PIN1: variants seen among roughly 807,000 people sequenced by gnomAD.
The protein encoded by PIN1 is peptidyl-prolyl cis-trans isomerase NIMA-interacting 1.
PIN1 carries 8 observed loss-of-function variants against 19.9 expected under a neutral mutation model. The observed-to-expected ratio is 0.40, with a 90% CI of 0.24 to 0.72. PIN1 has a LOEUF of 0.72. PIN1 is among the 30% of genes least tolerant of loss of function. The probability of loss-of-function intolerance (pLI) is 0.37; values close to 1 mark genes in which losing one functional copy is unlikely to be tolerated. For synonymous variants in PIN1, 86 were observed against 90.8 expected, an observed-to-expected ratio of 0.95 and a Z score of 0.30; for missense variants, 185 against 226.5, an observed-to-expected ratio of 0.82 and a Z score of 1.18.
rs1264999747 is a variant in PIN1, at chr19:9,846,462, G to A, written c.272-1568G>A. 3.9e-5 allele frequency among the ~76,000 whole-genome samples: 6 copies of A among 152,210 alleles called. No homozygotes were observed. Among genetic ancestry groups the A allele is most frequent in the Admixed American group, 1.3e-4 (2 of 15,288 alleles). ...GGCGGAGGGGCACAGGGATGTCAGG[G>A]CAGCAGGTCGTGGTGACATCCAGCT... On this transcript the variant is annotated intron_variant, in intron 2 of 3. Coordinates refer to ENST00000247970, the MANE Select transcript of PIN1 (RefSeq NM_006221.4). This position sits in a 1 kb window ranked among gnomAD's most constrained non-coding sequence, Gnocchi z 5.9.
intron 2 of PIN1, among the ~76,000 whole-genome samples, chr19:9,843,777 G>A (rs1215979905): frequency 6.6e-6 from 1 of 152,220 alleles, no homozygotes; most frequent in Non-Finnish European, 1.5e-5. Context: ...GCCAGGCGCA[G>A]TGGCTCATGC....
intron 3 of PIN1, chr19:9,848,426 G>A: frequency 2.2e-6 from 1 of 448,786 alleles, no homozygotes; most frequent in Non-Finnish European, 4.1e-6. Flanking sequence ...GCCCACCAAG[G>A]TGGGTACATC....
chr19:9,836,090 C>G (rs1189431954), intron 1 of PIN1: 3 of 152,220 alleles, frequency 2.0e-5, no homozygotes, highest in Admixed American at 2.0e-4. Flanking sequence ...TCATTCATTT[C>G]AGGGGCCGGG....
chr19:9,837,001 A>G (rs1156524082), intron 1 of PIN1: 1 of 490,908 alleles, frequency 2.0e-6, no homozygotes, highest in East Asian at 7.0e-5. Context: ...TCTTATTATT[A>G]TTTTTGGAGA....
intron 2 of PIN1, among the ~76,000 whole-genome samples, chr19:9,843,413 G>C (rs113633180): frequency 6.6e-6 from 1 of 152,280 alleles, no homozygotes; most frequent in African/African-American, 2.4e-5. Flanking sequence ...TGGAAGCAGC[G>C]TAATGATCTG....
Position 9,846,893 on chromosome 19 carries a change from T to C in PIN1, c.272-1137T>C, listed in dbSNP as rs2046225158. Among the ~76,000 whole-genome samples, 1 of 152,110 alleles carries C rather than the reference T, an allele frequency of 6.6e-6. No individual in the cohort carries two copies. Among genetic ancestry groups the C allele is most frequent in the South Asian group, 2.1e-4 (1 of 4,830 alleles). On this transcript the variant is annotated intron_variant, in intron 2 of 3. Coordinates refer to ENST00000247970, the MANE Select transcript of PIN1 (RefSeq NM_006221.4). This position sits in a 1 kb window ranked among gnomAD's most constrained non-coding sequence, Gnocchi z 5.9. ...CGTTGGAGAGAAGAACTGGTGTCCCTGGAGAGTGGCTGCCAGGCCTTAGGG... is the reference window on the plus strand; with the variant it reads ...CGTTGGAGAGAAGAACTGGTGTCCCCGGAGAGTGGCTGCCAGGCCTTAGGG...
At chr19:9,848,489 C>T in intron 3 of PIN1, 2 of 308,850 alleles carry the variant, frequency 6.5e-6, no homozygotes, top group Non-Finnish European at 1.3e-5. Context: ...CCTGAGAGTC[C>T]CAGGGCCTGT....
chr19:9,840,037 A>G (rs1168295393), intron 2 of PIN1, among the ~76,000 whole-genome samples: 2 of 152,100 alleles, frequency 1.3e-5, no homozygotes, highest in African/African-American at 2.4e-5. Flanking sequence ...TGGTTTCTCA[A>G]TTGCACTGGT....
chr19:9,838,459 A>G lies in PIN1; in HGVS notation c.82A>G (p.Ile28Val). 3.1e-6 allele frequency: 5 copies of G among 1,607,558 alleles called. No individual in the cohort carries two copies. The highest frequency in any genetic ancestry group is 4.2e-6 in the Non-Finnish European group (5 of 1,178,232). ...AGGCCGAGTGTACTACTTCAACCAC[A>G]TCACTAACGCCAGCCAGTGGGAGCG... ...SSGRVYYFNH[I>V]TNASQWERPS... The change falls in exon 2 of 4, where the codon ATC becomes GTC. Residue 28 changes from isoleucine to valine, a missense_variant. Coordinates refer to ENST00000247970, the MANE Select transcript of PIN1 (RefSeq NM_006221.4). This position sits in a 1 kb window ranked among gnomAD's most constrained non-coding sequence, Gnocchi z 5.8.
chr19:9,840,628 T>G (rs2046156690), intron 2 of PIN1, among the ~76,000 whole-genome samples: 1 of 152,086 alleles, frequency 6.6e-6, no homozygotes, highest in Non-Finnish European at 1.5e-5. Context: ...TGAGACAGGG[T>G]CTTGCTCTGT....
chr19:9,838,944 C>T lies in PIN1; in HGVS notation c.271+296C>T, dbSNP rs1484037981. Among the ~76,000 whole-genome samples, 3 of 152,062 alleles carry T rather than the reference C, an allele frequency of 2.0e-5. No homozygotes were observed. Among genetic ancestry groups the T allele is most frequent in the Non-Finnish European group, 4.4e-5 (3 of 68,014 alleles). On this transcript the variant is annotated intron_variant, in intron 2 of 3. Coordinates refer to ENST00000247970, the MANE Select transcript of PIN1 (RefSeq NM_006221.4). The surrounding 1 kb of genome is among the most constrained non-coding windows in gnomAD (Gnocchi z 5.8). Reference sequence around the variant, plus strand: ...ACTCTGTGACCTTTGGGAGGGGACTCGTGTCACCTCCCCTAGACTCAGCTT... The same window carrying T: ...ACTCTGTGACCTTTGGGAGGGGACTTGTGTCACCTCCCCTAGACTCAGCTT...
chr19:9,835,945 CAG>C (rs1568357447), intron 1 of PIN1: 1 of 152,958 alleles, frequency 6.5e-6, no homozygotes, highest in Non-Finnish European at 1.5e-5. Flanking sequence ...TTGCCAGTAA[CAG>C]GGCATGTTTT....
chr19:9,840,994 A>C (rs2046160462), intron 2 of PIN1, among the ~76,000 whole-genome samples: 1 of 152,248 alleles, frequency 6.6e-6, no homozygotes, highest in African/African-American at 2.4e-5. Context: ...AAGCGGGAGT[A>C]ACAGCTCCTG....
chr19:9,843,729 C>T (rs1012197632), intron 2 of PIN1, among the ~76,000 whole-genome samples: 2 of 152,110 alleles, frequency 1.3e-5, no homozygotes, highest in African/African-American at 4.8e-5. Context: ...TGAAGGAGCA[C>T]GAGCTCTCTG....
chr19:9,844,388 G>A (rs2046198790), intron 2 of PIN1, among the ~76,000 whole-genome samples: 1 of 152,212 alleles, frequency 6.6e-6, no homozygotes, highest in South Asian at 2.1e-4. Context: ...TTGTTCAGGA[G>A]CAGCAGAGGT....
intron 1 of PIN1, 62 bp downstream of exon 1, chr19:9,835,464 C>A: frequency 8.3e-7 from 1 of 1,202,882 alleles, no homozygotes; most frequent in Non-Finnish European, 1.1e-6. Flanking sequence ...GGCTCGAGCT[C>A]GCCCCTTGGG....
At chr19:9,836,304 C>T (rs2046104037) in intron 1 of PIN1, 1 of 155,212 alleles carries the variant, frequency 6.4e-6, no homozygotes, top group African/African-American at 2.4e-5. Flanking sequence ...GGACTCTCCT[C>T]ATTAACCCCA....
intron 2 of PIN1, among the ~76,000 whole-genome samples, chr19:9,845,418 T>G (rs893589742): frequency 6.9e-6 from 1 of 144,586 alleles, no homozygotes; most frequent in Non-Finnish European, 1.5e-5. Context: ...TGAAATGGAG[T>G]TTCGCTCTTG....
At chr19:9,835,645 G>T (rs1477639256) in intron 1 of PIN1, 5 of 480,874 alleles carry the variant, frequency 1.0e-5, no homozygotes, top group African/African-American at 1.0e-4. Context: ...GGAGTCCGGG[G>T]CGATGGCCCT....
Sources: allele counts gnomAD v4.1 joint callset (sites outside exome capture counted in the v4.1 genomes callset), GRCh38; gene constraint gnomAD v4.1.1; non-coding constraint Gnocchi (gnomAD v3.1); transcripts MANE v1.5; gene names NCBI Gene and HGNC (gene_info 2026-07-23, HGNC 2026-07-21).